The following CDH23 variants were observed in gnomAD, a reference collection of about 807,000 sequenced individuals.
CDH23 encodes the protein cadherin related 23.
Under a neutral mutation model 317.1 loss-of-function variants are expected in CDH23, and 189 were observed. That is an observed-to-expected ratio of 0.60 (90% CI 0.53 to 0.67). The LOEUF (loss-of-function observed/expected upper bound fraction) is 0.67. Among genes scored for constraint, CDH23 ranks in the 30% least tolerant of loss-of-function variants. The pLI, the probability that CDH23 is intolerant of heterozygous loss-of-function variation, is 0.00. For synonymous variants in CDH23, 1,839 were observed against 1,876.8 expected (o/e 0.98, Z 0.52); for missense variants, 4,401 against 4,592.4 (o/e 0.96, Z 1.20).
intron 3 of CDH23, among the ~76,000 whole-genome samples, chr10:71,453,519 G>T (rs10823756): frequency 0.31 from 47,012 of 152,158 alleles, 7,772 homozygotes; most frequent in Middle Eastern, 0.45. Flanking sequence ...TGGCAGGCAC[G>T]GAGGCATAGG....
intron 6 of CDH23, among the ~76,000 whole-genome samples, chr10:71,534,363 C>T (rs965618876): frequency 5.9e-5 from 9 of 152,308 alleles, no homozygotes; most frequent in South Asian, 2.1e-4. Flanking sequence ...GTCTTGGCTG[C>T]CCCTAGCAAC....
intron 22 of CDH23, among the ~76,000 whole-genome samples, chr10:71,699,160 G>A (rs1865496109): frequency 6.6e-6 from 1 of 152,244 alleles, no homozygotes. Context: ...GCCTAGCACA[G>A]TTCCAGGCAC....
At chr10:71,776,977 C>A (rs1302198638) in intron 38 of CDH23, among the ~76,000 whole-genome samples, 1 of 152,132 alleles carries the variant, frequency 6.6e-6, no homozygotes, top group East Asian at 1.9e-4. Flanking sequence ...TGCTGATTGC[C>A]GAGTTCTGAT....
At chr10:71,636,548 C>T (rs1182681906) in intron 11 of CDH23, among the ~76,000 whole-genome samples, 2 of 152,090 alleles carry the variant, frequency 1.3e-5, no homozygotes, top group Admixed American at 6.5e-5. Flanking sequence ...GCATTACGGG[C>T]CTTAGAGAAT....
At chr10:71,673,513 TG>T (rs566827952) in intron 14 of CDH23, among the ~76,000 whole-genome samples, 111 of 152,326 alleles carry the variant, frequency 7.3e-4, no homozygotes, top group African/African-American at 2.5e-3. Context: ...AGGATGAATC[TG>T]GGGTTACTTT....
chr10:71,719,473 C>T (rs2132784743), intron 28 of CDH23, among the ~76,000 whole-genome samples: 1 of 152,298 alleles, frequency 6.6e-6, no homozygotes, highest in Admixed American at 6.5e-5. Flanking sequence ...TCGGGCTAGT[C>T]CCTACCCCTT....
chr10:71,519,720 G>A (rs1478384663), intron 6 of CDH23, among the ~76,000 whole-genome samples: 1 of 152,126 alleles, frequency 6.6e-6, no homozygotes. Context: ...CGTGTATGAA[G>A]CACCACATAC....
At chr10:71,549,245 T>C (rs1193440608) in intron 6 of CDH23, among the ~76,000 whole-genome samples, 3 of 152,236 alleles carry the variant, frequency 2.0e-5, no homozygotes, top group Non-Finnish European at 4.4e-5. Flanking sequence ...TTAGTGGACA[T>C]TCAGGGCTGG....
intron 1 of CDH23, among the ~76,000 whole-genome samples, chr10:71,405,719 T>C (rs1848066586): frequency 1.3e-5 from 2 of 152,204 alleles, no homozygotes; most frequent in Admixed American, 1.3e-4. Context: ...ATTATAGGCA[T>C]GAGCCATCGT....
Position 71,704,965 on chromosome 10 carries a change from C to T in CDH23, c.2788C>T (p.Pro930Ser). ...GLNGLVSYRMPVGMPRMDFLI... is the reference protein window; with the variant it reads ...GLNGLVSYRMSVGMPRMDFLI... ...GAACGGCCTGGTGTCCTACCGCATG[C>T]CGGTGGGCATGCCCCGCATGGACTT... Residue 930 changes from proline (P) to serine (S), a missense_variant, in exon 25 of 70, where the codon CCG becomes TCG. Physicochemically the swap from Pro to Ser is moderately conservative, Grantham distance 74. This residue lies in a region of CDH23 where 3,068 missense variants were observed against 3,203.3 expected (regional missense o/e 0.96). Coordinates refer to ENST00000224721, the MANE Select transcript of CDH23 (RefSeq NM_022124.6). 2 of 1,612,926 alleles carry T rather than the reference C, an allele frequency of 1.2e-6. No homozygotes were observed. Among genetic ancestry groups the T allele is most frequent in the South Asian group, 2.2e-5 (2 of 91,086 alleles).
At chr10:71,756,362 T>C (rs1345790402) in intron 38 of CDH23, among the ~76,000 whole-genome samples, 1 of 152,154 alleles carries the variant, frequency 6.6e-6, no homozygotes, top group Non-Finnish European at 1.5e-5. Flanking sequence ...TCATTCTGCT[T>C]AGAGTTTTAT....
intron 6 of CDH23, among the ~76,000 whole-genome samples, chr10:71,565,856 GA>G (rs957300474): frequency 3.9e-5 from 6 of 152,186 alleles, no homozygotes; most frequent in African/African-American, 1.4e-4. Context: ...GTCCATCCCT[GA>G]AACTCTAGCA....
intron 53 of CDH23, among the ~76,000 whole-genome samples, chr10:71,802,241 GAGGTTGC>G (rs1326665442): frequency 1.3e-5 from 2 of 152,256 alleles, no homozygotes; most frequent in African/African-American, 4.8e-5. Context: ...CCAGGAGGTG[GAGGTTGC>G]AGTGAGCCGA....
At chr10:71,735,254 AG>A (rs1218814984) in intron 34 of CDH23, among the ~76,000 whole-genome samples, 1 of 152,102 alleles carries the variant, frequency 6.6e-6, no homozygotes, top group Non-Finnish European at 1.5e-5. Flanking sequence ...GCGCTTAGGA[AG>A]GGGACCATGG....
chr10:71,720,246 G>C lies in CDH23; in HGVS notation c.3370-3799G>C, dbSNP rs74350653. Reference sequence around the variant, plus strand: ...TCCTTCCAGGCTTTTCCCTCAGCTTGTAGAAAAGCACCTTCCCTTTGAAGG... The same window carrying C: ...TCCTTCCAGGCTTTTCCCTCAGCTTCTAGAAAAGCACCTTCCCTTTGAAGG... On this transcript the variant is annotated intron_variant, in intron 28 of 69. Transcript: ENST00000224721. 3.5e-3 allele frequency among the ~76,000 whole-genome samples: 537 copies of C among 152,256 alleles called. 3 individuals carry two copies. The highest frequency in any genetic ancestry group is 0.012 in the African/African-American group (508 of 41,542).
intron 9 of CDH23, among the ~76,000 whole-genome samples, chr10:71,583,512 C>T (rs1189029173): frequency 5.3e-5 from 8 of 151,962 alleles, no homozygotes; most frequent in Admixed American, 2.6e-4. Flanking sequence ...GTCACAGCCC[C>T]GACTGCCCAG....
chr10:71,514,099 C>T (rs1854143365), intron 6 of CDH23, among the ~76,000 whole-genome samples: 1 of 152,060 alleles, frequency 6.6e-6, no homozygotes, highest in African/African-American at 2.4e-5. Flanking sequence ...ATGTGCTGAG[C>T]TCCCCATCCC....
intron 3 of CDH23, among the ~76,000 whole-genome samples, chr10:71,500,978 T>C (rs1853298533): frequency 6.6e-6 from 1 of 152,174 alleles, no homozygotes; most frequent in East Asian, 1.9e-4. Flanking sequence ...CTAGCAATTC[T>C]CCTGCCTCAG....
intron 41 of CDH23, among the ~76,000 whole-genome samples, chr10:71,781,168 C>T (rs1003406248): frequency 2.6e-5 from 4 of 151,994 alleles, no homozygotes; most frequent in Non-Finnish European, 4.4e-5. Context: ...AAGAGCGGTG[C>T]GAAGATTCAA....
Sources: gnomAD v4.1 joint callset for allele counts (sites outside exome capture counted in the v4.1 genomes callset) on GRCh38, gnomAD v4.1.1 for gene constraint, gnomAD v4.1.1 regional missense constraint, MANE v1.5 for transcripts, NCBI Gene and HGNC (gene_info 2026-07-23, HGNC 2026-07-21) for gene names.